DPF3: variants seen among roughly 807,000 people sequenced by gnomAD.
The protein encoded by DPF3 is double PHD fingers 3.
Under a neutral mutation model 56.8 loss-of-function variants are expected in DPF3, and 18 were observed. The observed-to-expected ratio is 0.32, with a 90% confidence interval of 0.22 to 0.47. DPF3 has a LOEUF of 0.47. Ranked by LOEUF, DPF3 falls within the 20% of genes least tolerant of loss-of-function variation. The pLI is 1.00. For missense variants in DPF3, 403 were observed against 488.8 expected, an observed-to-expected ratio of 0.82 and a Z score of 1.65; for synonymous variants, 188 against 180.2, an observed-to-expected ratio of 1.04 and a Z score of -0.35.
At chr14:72,776,052 C>T (rs778410097) in intron 1 of DPF3, among the ~76,000 whole-genome samples, 13 of 151,108 alleles carry the variant, frequency 8.6e-5, no homozygotes, top group African/African-American at 1.7e-4. Context: ...AAGTTGAAGG[C>T]GTCAGATGGA....
chr14:72,855,569 G>C (rs1054762761), intron 1 of DPF3, among the ~76,000 whole-genome samples: 1 of 152,192 alleles, frequency 6.6e-6, no homozygotes, highest in Non-Finnish European at 1.5e-5. Context: ...CCACCTGGTG[G>C]AAGACATAGA....
At chr14:72,696,279 T>C (rs1412963555) in intron 6 of DPF3, among the ~76,000 whole-genome samples, 1 of 152,254 alleles carries the variant, frequency 6.6e-6, no homozygotes, top group Admixed American at 6.5e-5. Flanking sequence ...AATCACACAA[T>C]TTCAGGATCT....
At chr14:72,701,735 G>A (rs533810560) in intron 6 of DPF3, among the ~76,000 whole-genome samples, 37 of 152,288 alleles carry the variant, frequency 2.4e-4, no homozygotes, top group African/African-American at 7.7e-4. Context: ...AGTGGTTTCC[G>A]AGAGACTGAA....
chr14:72,851,719 A>G (rs1319952628), intron 1 of DPF3, among the ~76,000 whole-genome samples: 2 of 152,242 alleles, frequency 1.3e-5, no homozygotes, highest in Non-Finnish European at 2.9e-5. Context: ...TGATGCAGAT[A>G]CTTCTTCAAG....
Position 72,619,147 on chromosome 14 carries a change from T to C in DPF3, c.*150A>G. 1.3e-6 allele frequency: 1 copy of C among 741,118 alleles called. No individual in the cohort carries two copies. The highest frequency in any genetic ancestry group is 1.9e-5 in the South Asian group (1 of 52,108). 45.9% of individuals were successfully genotyped at this position (741,118 alleles called of 1,614,324 possible). Reference sequence around the variant, plus strand: ...GGGGAGGTCAGGAGATGCCTCACCCTCTTCGTTCCATGTGTCCCTGCCCCT... The same window carrying C: ...GGGGAGGTCAGGAGATGCCTCACCCCCTTCGTTCCATGTGTCCCTGCCCCT... On this transcript the variant is annotated 3_prime_UTR_variant, in exon 11 of 11. Transcript: ENST00000556509.
chr14:72,783,726 T>C (rs1022833535), intron 1 of DPF3, among the ~76,000 whole-genome samples: 1 of 152,168 alleles, frequency 6.6e-6, no homozygotes, highest in Non-Finnish European at 1.5e-5. Context: ...CCAGGCCTGA[T>C]ATTGGCACCG....
rs1040935753 is a variant in DPF3, at chr14:72,612,078, A to G, written c.*7219T>C. Among the ~76,000 whole-genome samples, 1 of 152,204 alleles carries G rather than the reference A, an allele frequency of 6.6e-6. No individual in the cohort carries two copies. The highest frequency in any genetic ancestry group is 2.4e-5 in the African/African-American group (1 of 41,460). On this transcript the variant is annotated 3_prime_UTR_variant, in exon 11 of 11. Transcript: ENST00000556509. ...CAAGGGTTTTAATTTAGCCAGTAAC[A>G]GCCTGCCCTGCAATGATTCATGGCA...
chr14:72,715,541 G>T (rs957502303), intron 5 of DPF3, among the ~76,000 whole-genome samples: 1 of 152,062 alleles, frequency 6.6e-6, no homozygotes, highest in East Asian at 1.9e-4. Flanking sequence ...GGGTGCAGGG[G>T]AAATGGGGCA....
In DPF3 at chr14:72,613,336, T is replaced by C. The variant is rs74620508; in HGVS notation, c.*5961A>G. On this transcript the variant is annotated 3_prime_UTR_variant, in exon 11 of 11. Coordinates refer to ENST00000556509, the MANE Select transcript of DPF3 (RefSeq NM_001280542.3). ...CAGCCTACAGGGCCATTTTGCTCAA[T>C]GCCTGGGCTAGAGGTCATGATAAGT... Among the ~76,000 whole-genome samples the C allele has an allele frequency of 0.014, 2,186 of 152,284 alleles. 65 individuals are homozygous for C. The highest frequency in any genetic ancestry group is 0.05 in the African/African-American group (2,079 of 41,556).
intron 3 of DPF3, among the ~76,000 whole-genome samples, chr14:72,746,716 G>T (rs529624606): frequency 6.6e-6 from 1 of 152,218 alleles, no homozygotes; most frequent in African/African-American, 2.4e-5. Flanking sequence ...GTCCTTCCCC[G>T]GGACCCTGCC....
At chr14:72,661,824 A>G (rs1886224255) in intron 8 of DPF3, 1 of 981,324 alleles carries the variant, frequency 1.0e-6, no homozygotes, top group African/African-American at 1.8e-5. Context: ...GACTGAACTA[A>G]TATCACCTCA....
At chr14:72,678,657 T>C (rs1265187451) in intron 7 of DPF3, among the ~76,000 whole-genome samples, 1 of 152,242 alleles carries the variant, frequency 6.6e-6, no homozygotes, top group Non-Finnish European at 1.5e-5. Context: ...GGGATTTAAA[T>C]AGAGATTTTG....
chr14:72,783,699 T>A (rs1892085889), intron 1 of DPF3, among the ~76,000 whole-genome samples: 1 of 152,228 alleles, frequency 6.6e-6, no homozygotes, highest in Non-Finnish European at 1.5e-5. Flanking sequence ...TTGCTTTCTA[T>A]GCCCAAAAGG....
At chr14:72,863,662 A>ATTTG (rs1412451942) in intron 1 of DPF3, among the ~76,000 whole-genome samples, 1 of 151,842 alleles carries the variant, frequency 6.6e-6, no homozygotes, top group African/African-American at 2.4e-5. Flanking sequence ...TTTCCAGTGC[A>ATTTG]TTTGTTTTGA....
intron 1 of DPF3, among the ~76,000 whole-genome samples, chr14:72,846,999 T>TTTA (rs1177455183): frequency 1.5e-4 from 23 of 152,174 alleles, no homozygotes; most frequent in Admixed American, 8.5e-4. Context: ...CATTAACATG[T>TTTA]TTATCTTCAT....
intron 7 of DPF3, among the ~76,000 whole-genome samples, 154 bp downstream of exon 7, chr14:72,692,922 T>C (rs1887752996): frequency 6.6e-6 from 1 of 152,228 alleles, no homozygotes; most frequent in South Asian, 2.1e-4. Flanking sequence ...GGCAGCTGGC[T>C]GGCTGGCTGA....
At chr14:72,879,681 G>T in intron 1 of DPF3, 1 of 1,251,568 alleles carries the variant, frequency 8.0e-7, no homozygotes, top group Non-Finnish European at 1.1e-6. Context: ...GCCCAGAGGA[G>T]CCACAAGCAG....
chr14:72,869,842 CAGAAA>C (rs1885825082), intron 1 of DPF3, among the ~76,000 whole-genome samples: 1 of 152,130 alleles, frequency 6.6e-6, no homozygotes, highest in African/African-American at 2.4e-5. Flanking sequence ...TCTGGAGCCA[CAGAAA>C]CAGGCATACC....
chr14:72,662,871 C>T (rs1292106905), intron 8 of DPF3: 2 of 973,600 alleles, frequency 2.1e-6, no homozygotes, highest in Admixed American at 1.2e-4. Flanking sequence ...AAACAAAAAA[C>T]AACAGCATGG....
Sources: gnomAD v4.1 joint callset for allele counts (sites outside exome capture counted in the v4.1 genomes callset) on GRCh38, gnomAD v4.1.1 for gene constraint, MANE v1.5 for transcripts, NCBI Gene and HGNC (gene_info 2026-07-23, HGNC 2026-07-21) for gene names.